Variants in LRP2 observed in about 807,000 individuals in gnomAD.
The protein encoded by LRP2 is low-density lipoprotein receptor-related protein 2.
LRP2 carries 172 observed loss-of-function variants against 531.0 expected under a neutral mutation model. The ratio of observed to expected loss-of-function variants is 0.32; its 90% confidence interval spans 0.29 to 0.37. The LOEUF is 0.37. Among genes scored for constraint, LRP2 ranks in the 10% least tolerant of loss-of-function variants. The probability of loss-of-function intolerance (pLI) is 1.00; values close to 1 mark genes in which losing one functional copy is unlikely to be tolerated. For synonymous variants in LRP2, 1,992 were observed against 2,027.6 expected (o/e 0.98, Z 0.47); for missense variants, 5,167 against 5,868.3 (o/e 0.88, Z 3.90).
intron 9 of LRP2, among the ~76,000 whole-genome samples, chr2:169,286,899 T>A (rs1300261964): frequency 6.6e-6 from 1 of 152,210 alleles, no homozygotes; most frequent in Non-Finnish European, 1.5e-5. Context: ...CTATTGGAAC[T>A]TCTTTTCTAC....
At position 169,225,295 on chromosome 2, in the gene LRP2, T is replaced by C; in HGVS notation, c.5538+15A>G. On this transcript the variant is annotated intron_variant, in intron 33 of 78. Transcript: ENST00000649046. ...AAATCCAATGTTTGTGTAAGTAGTA[T>C]TATGGAATCATTACCTCGATTGACT... is the stretch of plus-strand genomic sequence containing the variant. 1 of 1,612,400 alleles carries C rather than the reference T, an allele frequency of 6.2e-7. No individual in the cohort carries two copies. The highest frequency in any genetic ancestry group is 8.5e-7 in the Non-Finnish European group (1 of 1,178,584).
intron 16 of LRP2, among the ~76,000 whole-genome samples, chr2:169,261,242 T>TAA (rs1690535033): frequency 2.0e-5 from 3 of 152,000 alleles, no homozygotes; most frequent in Admixed American, 1.3e-4. Context: ...GAAAAGTCAG[T>TAA]AGAAAAAGAG....
At position 169,278,900 on chromosome 2, in the gene LRP2, T is replaced by C. The variant is rs755326495; in HGVS notation, c.1565+472A>G. Reference sequence around the variant, plus strand: ...AACAACTTGTAATGAGATATTAGCATTGATATCTCAATCCCAGCCTGTATC... The same window carrying C: ...AACAACTTGTAATGAGATATTAGCACTGATATCTCAATCCCAGCCTGTATC... On this transcript the variant is annotated intron_variant, in intron 12 of 78. Coordinates refer to ENST00000649046, the MANE Select transcript of LRP2 (RefSeq NM_004525.3). Among the ~76,000 whole-genome samples, 5 of 152,236 alleles carry C rather than the reference T, an allele frequency of 3.3e-5. No individual in the cohort carries two copies. In the East Asian group the frequency reaches 7.7e-4, roughly 23 times the overall value.
chr2:169,132,243 G>A (rs895064562), intron 77 of LRP2, among the ~76,000 whole-genome samples: 11 of 152,168 alleles, frequency 7.2e-5, no homozygotes, highest in South Asian at 4.1e-4. Flanking sequence ...CTTTGACACC[G>A]TGAAATCTTT....
At chr2:169,206,241 C>T in intron 39 of LRP2, 53 bp from the exon 40 acceptor site, 1 of 1,612,502 alleles carries the variant, frequency 6.2e-7, no homozygotes. Context: ...ACATTAGAGT[C>T]TCATATGCAT....
rs1274640065 is a variant in LRP2 at position 169,140,501 on chromosome 2, G to C, written c.13153C>G (p.His4385Asp). 1 of 1,613,930 alleles carries C rather than the reference G, an allele frequency of 6.2e-7. No homozygotes were observed. Among genetic ancestry groups the C allele is most frequent in the Non-Finnish European group, 8.5e-7 (1 of 1,179,994 alleles). Residue 4385 changes from histidine (H) to aspartate (D), a missense_variant, in exon 72 of 79, where the codon CAC becomes GAC. Physicochemically the swap from His to Asp is moderately conservative, Grantham distance 81. This residue lies in a region of LRP2 where 348 missense variants were observed against 369.3 expected (regional missense o/e 0.94). Transcript: ENST00000649046. ...TCATCAAAATAGCAATTTCCTCCGT[G>C]CATGCACCTGCATGGGGGGGGCAGG... is the stretch of plus-strand genomic sequence containing the variant. ...INLPPPCRCM[H>D]GGNCYFDETD... is the part of the protein sequence containing the mutation.
intron 22 of LRP2, among the ~76,000 whole-genome samples, 169 bp downstream of exon 22, chr2:169,244,524 C>T (rs965057601): frequency 2.6e-5 from 4 of 152,168 alleles, no homozygotes; most frequent in African/African-American, 7.2e-5. Flanking sequence ...TGTGCAGGCA[C>T]GTGCCTTTGT....
chr2:169,175,071 G>A, intron 55 of LRP2, 122 bp downstream of exon 55: 3 of 846,158 alleles, frequency 3.5e-6, no homozygotes, highest in Admixed American at 2.2e-5. Flanking sequence ...TGGAGCCTGA[G>A]TTTCCTTCTA....
At chr2:169,291,481 T>C (rs773873176) in intron 7 of LRP2, among the ~76,000 whole-genome samples, 1 of 152,130 alleles carries the variant, frequency 6.6e-6, no homozygotes, top group Non-Finnish European at 1.5e-5. Flanking sequence ...ACATAAAACA[T>C]AGTTTTAACA....
chr2:169,231,454 C>T (rs957926593), intron 31 of LRP2, among the ~76,000 whole-genome samples: 13 of 152,236 alleles, frequency 8.5e-5, no homozygotes, highest in African/African-American at 3.1e-4. Flanking sequence ...AGAAGTCTAA[C>T]TGTACCCAGG....
intron 9 of LRP2, 46 bp downstream of exon 9, chr2:169,288,980 G>C (rs1319379274): frequency 6.2e-7 from 1 of 1,611,830 alleles, no homozygotes. Context: ...GCACCCATCA[G>C]TGTACTGTAA....
chr2:169,160,682 TAA>T (rs781574242), intron 63 of LRP2, among the ~76,000 whole-genome samples: 3 of 52,818 alleles, frequency 5.7e-5, no homozygotes, highest in African/African-American at 2.9e-4. Context: ...CTTATTTCCT[TAA>T]AAAAAAAAAA....
chr2:169,273,177 T>C (rs1400720354), intron 14 of LRP2, 110 bp from the exon 15 acceptor site: 3 of 1,244,458 alleles, frequency 2.4e-6, no homozygotes, highest in Non-Finnish European at 3.5e-6. Context: ...AGTAATGGAT[T>C]AGCAACGTGT....
At chr2:169,355,396 AT>A (rs1156366138) in intron 1 of LRP2, among the ~76,000 whole-genome samples, 1 of 152,150 alleles carries the variant, frequency 6.6e-6, no homozygotes, top group East Asian at 1.9e-4. Context: ...AACACCTGTT[AT>A]TTTTGCATCC....
Position 169,275,089 on chromosome 2 carries a change from G to A in LRP2, c.1922C>T (p.Ala641Val). 6.2e-7 allele frequency: 1 copy of A among 1,613,742 alleles called. No homozygotes were observed. The highest frequency in any genetic ancestry group is 2.2e-5 in the East Asian group (1 of 44,860). ...AGTCACTCCATAGGGCCTCAGGGAA[G>A]CCTGGTAGTACACTTGTGGGTTGGT... Reference protein sequence around the residue: ...TETNPQVYYQASLRPYGVTVY... With the variant: ...TETNPQVYYQVSLRPYGVTVY... The change falls in exon 14 of 79, where the codon GCT becomes GTT. Residue 641 changes from alanine to valine, a missense_variant. Ala to Val is a moderately conservative substitution (Grantham distance 64). Around this residue, in one of 6 missense-constraint regions of LRP2, gnomAD observed 2,811 missense variants for 3,058.0 expected, o/e 0.92. Transcript: ENST00000649046.
At chr2:169,263,564 T>C (rs1312142438) in intron 16 of LRP2, among the ~76,000 whole-genome samples, 1 of 149,166 alleles carries the variant, frequency 6.7e-6, no homozygotes, top group African/African-American at 2.5e-5. Context: ...TCACACCAGT[T>C]AGAATGGCAA....
chr2:169,191,326 GAA>G lies in LRP2; in HGVS notation c.9032+504_9032+505del, dbSNP rs1367467310. Among the ~76,000 whole-genome samples the G allele has an allele frequency of 2.0e-5, 3 of 152,098 alleles. No homozygotes were observed. The East Asian group carries it at 5.8e-4, about 29-fold the overall frequency. Reference sequence around the variant, plus strand: ...GCTGTTATTTTTCTTGTAGTAGAGAGAAGAGAGTGAAACAGTTCTTGTAATAC... The same window carrying G: ...GCTGTTATTTTTCTTGTAGTAGAGAGGAGAGTGAAACAGTTCTTGTAATAC... On this transcript the variant is annotated intron_variant, in intron 48 of 78. Coordinates refer to ENST00000649046, the MANE Select transcript of LRP2 (RefSeq NM_004525.3).
rs111530141 is a variant in LRP2, at chr2:169,281,132, AT to A, written c.1172-614del. 5.1e-3 allele frequency among the ~76,000 whole-genome samples: 782 copies of A among 152,344 alleles called. 3 individuals are homozygous for A. The highest frequency in any genetic ancestry group is 0.018 in the African/African-American group (737 of 41,576). ...AGGAATATTATGCCATTATAAAAAA[AT>A]AATTAAGGCCAGGCGCAGTGGCTCA... is the stretch of plus-strand genomic sequence containing the variant. On this transcript the variant is annotated intron_variant, in intron 10 of 78. Transcript: ENST00000649046.
rs10548576 is a variant in LRP2, at chr2:169,297,972, A to AAC, written c.428-3264_428-3263dup. The stretch of plus-strand genomic sequence containing the variant: ...TAGGAAACTTAAGCCAAGATTGGGA[A>AAC]ACACACACACACACACACACACAAG... On this transcript the variant is annotated intron_variant, in intron 4 of 78. Coordinates refer to ENST00000649046, the MANE Select transcript of LRP2 (RefSeq NM_004525.3). 3.9e-3 allele frequency among the ~76,000 whole-genome samples: 590 copies of AAC among 150,034 alleles called. 3 individuals are homozygous for AAC. Among genetic ancestry groups the AAC allele is most frequent in the Admixed American group, 5.1e-3 (77 of 15,046 alleles).
Sources: gnomAD v4.1 joint callset for allele counts (sites outside exome capture counted in the v4.1 genomes callset) on GRCh38, gnomAD v4.1.1 for gene constraint, gnomAD v4.1.1 regional missense constraint, MANE v1.5 for transcripts, NCBI Gene and HGNC (gene_info 2026-07-23, HGNC 2026-07-21) for gene names.